Variants in PLCG2 observed in about 807,000 individuals in gnomAD.
PLCG2 encodes the protein phospholipase C gamma 2.
PLCG2 carries 69 observed loss-of-function variants against 175.6 expected under a neutral mutation model. That is an observed-to-expected ratio of 0.39 (90% CI 0.32 to 0.48). The LOEUF is 0.48. PLCG2 is among the 20% of genes least tolerant of loss of function. PLCG2 has a pLI of 0.91. For missense variants in PLCG2, 1,798 were observed against 1,650.9 expected, an observed-to-expected ratio of 1.09 and a Z score of -1.54; for synonymous variants, 827 against 624.0, an observed-to-expected ratio of 1.33 and a Z score of -4.85.
At chr16:81,768,826 C>T (rs981053064) in intron 2 of PLCG2, among the ~76,000 whole-genome samples, 3 of 152,120 alleles carry the variant, frequency 2.0e-5, no homozygotes, top group African/African-American at 7.2e-5. Flanking sequence ...CTCGGCCTCC[C>T]AAAGTACTGG....
At chr16:81,764,045 C>T (rs534860622) in intron 2 of PLCG2, among the ~76,000 whole-genome samples, 2 of 151,984 alleles carry the variant, frequency 1.3e-5, no homozygotes, top group African/African-American at 4.8e-5. Context: ...GTAATCCCAG[C>T]ACTTTGGGAG....
intron 13 of PLCG2, among the ~76,000 whole-genome samples, chr16:81,897,548 C>CTTTTT (rs10710027): frequency 2.3e-4 from 30 of 128,658 alleles, no homozygotes; most frequent in Middle Eastern, 3.9e-3. Flanking sequence ...CTTTTCTTTT[C>CTTTTT]TTTTTTTTTT....
intron 1 of PLCG2, among the ~76,000 whole-genome samples, chr16:81,745,930 C>T (rs1038304882): frequency 6.6e-6 from 1 of 152,232 alleles, no homozygotes; most frequent in Non-Finnish European, 1.5e-5. Flanking sequence ...ACCTGACTCT[C>T]TGTAGGGGCG....
chr16:81,805,932 A>T (rs1033687520), intron 2 of PLCG2, among the ~76,000 whole-genome samples: 1 of 151,770 alleles, frequency 6.6e-6, no homozygotes, highest in African/African-American at 2.4e-5. Flanking sequence ...GAGCCACTGT[A>T]CGCAGTCATG....
intron 8 of PLCG2, 25 bp downstream of exon 8, chr16:81,880,978 CGG>C (rs1908051161): frequency 6.2e-7 from 1 of 1,611,120 alleles, no homozygotes; most frequent in Non-Finnish European, 8.5e-7. Context: ...GTGTGTCGTT[CGG>C]GGCGGCTGTG....
intron 5 of PLCG2, among the ~76,000 whole-genome samples, chr16:81,864,115 T>G (rs1907112155): frequency 6.6e-6 from 1 of 152,180 alleles, no homozygotes; most frequent in Non-Finnish European, 1.5e-5. Context: ...AATCTGAGCA[T>G]GCACCGGAAT....
At position 81,895,956 on chromosome 16, in the gene PLCG2, A is replaced by G. The variant is rs1429118957; in HGVS notation, c.1193+29A>G. ...AGTTGGCTGATTTCTGGGTGGTGTG[A>G]CTTAAAGGGGAAGGCAGCTAGGGTT... On this transcript the variant is annotated intron_variant, in intron 13 of 32. Transcript: ENST00000564138. 3.7e-6 allele frequency: 6 copies of G among 1,613,688 alleles called. No homozygotes were observed. The East Asian group carries it at 8.9e-5, about 24-fold the overall frequency.
At chr16:81,805,783 G>GTTTTTTTTTTTTTTTT (rs35014411) in intron 2 of PLCG2, among the ~76,000 whole-genome samples, 22 of 82,926 alleles carry the variant, frequency 2.7e-4, no homozygotes, top group African/African-American at 7.2e-4. Flanking sequence ...TTTTTTTTTT[G>GTTTTTTTTTTTTTTTT]TTTTTTTTTT....
At chr16:81,945,985 C>G (rs548790974) in intron 30 of PLCG2, among the ~76,000 whole-genome samples, 190 bp from the exon 31 acceptor site, 1 of 152,310 alleles carries the variant, frequency 6.6e-6, no homozygotes, top group South Asian at 2.1e-4. Context: ...ACCAGTCAGT[C>G]ATGGCTGCCG....
At chr16:81,761,276 G>T (rs573705418) in intron 2 of PLCG2, among the ~76,000 whole-genome samples, 1 of 152,190 alleles carries the variant, frequency 6.6e-6, no homozygotes, top group South Asian at 2.1e-4. Flanking sequence ...GAGGCAGGAG[G>T]ATCTCTTAAA....
intron 7 of PLCG2, 29 bp from the exon 8 acceptor site, chr16:81,880,881 C>G: frequency 6.2e-7 from 1 of 1,608,714 alleles, no homozygotes; most frequent in South Asian, 1.1e-5. Flanking sequence ...GTCTAAGGTT[C>G]TTTTTTTTGT....
At chr16:81,880,131 C>T (rs1032522659) in intron 7 of PLCG2, among the ~76,000 whole-genome samples, 1 of 152,112 alleles carries the variant, frequency 6.6e-6, no homozygotes, top group Admixed American at 6.5e-5. Context: ...GTCCTAGTTA[C>T]GCAGGAAGCT....
chr16:81,832,512 C>G (rs1905302153), intron 2 of PLCG2, among the ~76,000 whole-genome samples: 1 of 152,216 alleles, frequency 6.6e-6, no homozygotes, highest in Admixed American at 6.5e-5. Context: ...ACCTCAGCCT[C>G]CCAGGTAGCT....
chr16:81,802,093 C>CTGTTTTTTTTTTT (rs1911748376), intron 2 of PLCG2, among the ~76,000 whole-genome samples: 1 of 40,012 alleles, frequency 2.5e-5, no homozygotes, highest in Non-Finnish European at 4.4e-5. Flanking sequence ...TGAGTACAGT[C>CTGTTTTTTTTTTT]TTTTTTTTTT....
intron 13 of PLCG2, among the ~76,000 whole-genome samples, chr16:81,899,790 C>A (rs1023735852): frequency 2.6e-5 from 4 of 152,198 alleles, no homozygotes; most frequent in African/African-American, 9.7e-5. Flanking sequence ...TACAGTGATG[C>A]TGGCTGTGAG....
chr16:81,871,852 A>T (rs916312356), intron 7 of PLCG2, among the ~76,000 whole-genome samples: 36 of 102,438 alleles, frequency 3.5e-4, no homozygotes, highest in Non-Finnish European at 1.2e-4. Context: ...CACCATCTGA[A>T]TGTCTCAATG....
intron 10 of PLCG2, among the ~76,000 whole-genome samples, chr16:81,890,492 T>C (rs1238119135): frequency 6.6e-6 from 1 of 152,230 alleles, no homozygotes; most frequent in African/African-American, 2.4e-5. Flanking sequence ...AGCCCTTTCT[T>C]ACTCTTCTCT....
chr16:81,902,420 G>A (rs186429484), intron 14 of PLCG2, among the ~76,000 whole-genome samples: 128 of 152,266 alleles, frequency 8.4e-4, no homozygotes, highest in African/African-American at 2.7e-3. Flanking sequence ...GTAGGCTGCC[G>A]ACTTCTAGTT....
At chr16:81,794,423 C>T (rs1911373502) in intron 2 of PLCG2, among the ~76,000 whole-genome samples, 1 of 152,026 alleles carries the variant, frequency 6.6e-6, no homozygotes, top group African/African-American at 2.4e-5. Context: ...GTCCCCAAGC[C>T]CCTGCAATGA....
Sources: allele counts gnomAD v4.1 joint callset (sites outside exome capture counted in the v4.1 genomes callset), GRCh38; gene constraint gnomAD v4.1.1; transcripts MANE v1.5; gene names NCBI Gene and HGNC (gene_info 2026-07-23, HGNC 2026-07-21).